RIGI: variants seen among roughly 807,000 people sequenced by gnomAD.
The protein encoded by RIGI is antiviral innate immune response receptor RIG-I.
At chr9:32,494,623 A>T in the RIGI span, among the ~76,000 whole-genome samples, 2 of 152,106 alleles carry the variant, frequency 1.3e-5, no homozygotes, top group African/African-American at 4.8e-5. Flanking sequence ...TATAAAAAAA[A>T]AATCCAGACC....
chr9:32,509,460 G>C, the RIGI span, among the ~76,000 whole-genome samples: 2 of 152,164 alleles, frequency 1.3e-5, no homozygotes, highest in African/African-American at 4.8e-5. Context: ...AGGCAAACAG[G>C]GTCTGGAGTG....
chr9:32,505,735 G>GTTCC, the RIGI span, among the ~76,000 whole-genome samples: 16 of 152,236 alleles, frequency 1.1e-4, no homozygotes, highest in Non-Finnish European at 4.4e-5. Flanking sequence ...TAATAAATAT[G>GTTCC]TACCTACATC....
At chr9:32,511,844 T>C in the RIGI span, among the ~76,000 whole-genome samples, 27 of 151,992 alleles carry the variant, frequency 1.8e-4, no homozygotes, top group Admixed American at 1.3e-3. Context: ...GCCAGTTTAA[T>C]AAAGAAGAAG....
the RIGI span, among the ~76,000 whole-genome samples, chr9:32,460,260 T>A: frequency 6.6e-6 from 1 of 152,228 alleles, no homozygotes; most frequent in Non-Finnish European, 1.5e-5. Flanking sequence ...CAATCTCGGT[T>A]ATGTCTTTGT....
At chr9:32,458,950 C>T in the RIGI span, among the ~76,000 whole-genome samples, 4 of 141,902 alleles carry the variant, frequency 2.8e-5, no homozygotes, top group Non-Finnish European at 6.0e-5. Context: ...AGCGCAGTGG[C>T]GCGATATCAG....
the RIGI span, chr9:32,480,440 T>C: frequency 3.8e-6 from 5 of 1,331,710 alleles, no homozygotes; most frequent in African/African-American, 1.5e-5. Flanking sequence ...ATTTAACGAA[T>C]TGTTTTAAGA....
At chr9:32,499,384 T>C in the RIGI span, among the ~76,000 whole-genome samples, 1 of 145,200 alleles carries the variant, frequency 6.9e-6, no homozygotes, top group Non-Finnish European at 1.5e-5. Flanking sequence ...GGAATACAAA[T>C]GTATTTATTT....
At chr9:32,492,610 A>T in the RIGI span, 3 of 1,544,926 alleles carry the variant, frequency 1.9e-6, no homozygotes, top group Admixed American at 5.1e-5. Flanking sequence ...TTACTGAAGA[A>T]ATGTCAGTCA....
chr9:32,498,117 C>T, the RIGI span, among the ~76,000 whole-genome samples: 2 of 152,172 alleles, frequency 1.3e-5, no homozygotes, highest in Admixed American at 1.3e-4. Context: ...AACACACCAA[C>T]CAACCAGCAC....
At chr9:32,473,036 A>G in the RIGI span, 1 of 1,611,306 alleles carries the variant, frequency 6.2e-7, no homozygotes, top group African/African-American at 1.3e-5. Flanking sequence ...AACTGAGTTT[A>G]GGATTTCCTT....
chr9:32,524,596 G>GTTTTTTTTTTTTTTCTTTTTTTTTTT, the RIGI span, among the ~76,000 whole-genome samples: 1 of 67,580 alleles, frequency 1.5e-5, no homozygotes, highest in Non-Finnish European at 2.8e-5. Context: ...TTGTTTTTCG[G>GTTTTTTTTTTTTTTCTTTTTTTTTTT]TTTTTTTTTT....
chr9:32,461,467 C>T, the RIGI span, among the ~76,000 whole-genome samples: 1 of 152,104 alleles, frequency 6.6e-6, no homozygotes, highest in Non-Finnish European at 1.5e-5. Flanking sequence ...TTCACGTGTC[C>T]CAGGTGGATC....
chr9:32,522,268 T>C, the RIGI span, among the ~76,000 whole-genome samples: 1 of 152,236 alleles, frequency 6.6e-6, no homozygotes, highest in Non-Finnish European at 1.5e-5. Context: ...TCATAACCTT[T>C]AAGAATACAG....
the RIGI span, among the ~76,000 whole-genome samples, chr9:32,495,432 A>T: frequency 1.3e-5 from 2 of 151,886 alleles, no homozygotes; most frequent in African/African-American, 2.4e-5. Flanking sequence ...TGAACTCCTG[A>T]CCTCACGATC....
chr9:32,484,977 G>T, the RIGI span, among the ~76,000 whole-genome samples: 1 of 152,088 alleles, frequency 6.6e-6, no homozygotes, highest in African/African-American at 2.4e-5. Flanking sequence ...AACTTACTTT[G>T]GATTTAAAAG....
At chr9:32,511,649 T>C in the RIGI span, among the ~76,000 whole-genome samples, 1 of 151,820 alleles carries the variant, frequency 6.6e-6, no homozygotes, top group African/African-American at 2.4e-5. Flanking sequence ...AAAATCAACA[T>C]CATAATATCA....
the RIGI span, chr9:32,487,468 T>TA: frequency 6.2e-7 from 1 of 1,613,788 alleles, no homozygotes; most frequent in African/African-American, 1.3e-5. Flanking sequence ...GGATCCAACT[T>TA]ACACTTCTGG....
the RIGI span, among the ~76,000 whole-genome samples, chr9:32,523,568 C>T: frequency 2.0e-5 from 3 of 152,262 alleles, no homozygotes; most frequent in African/African-American, 7.2e-5. Flanking sequence ...CACCACAACT[C>T]CCCAAGAGAC....
At chr9:32,495,645 T>G in the RIGI span, among the ~76,000 whole-genome samples, 1 of 150,944 alleles carries the variant, frequency 6.6e-6, no homozygotes, top group African/African-American at 2.4e-5. Flanking sequence ...TAAATGTCTA[T>G]TCAAGTCCTT....
Sources: allele counts gnomAD v4.1 joint callset (sites outside exome capture counted in the v4.1 genomes callset), GRCh38; gene constraint gnomAD v4.1.1; transcripts MANE v1.5; gene names NCBI Gene and HGNC (gene_info 2026-07-23, HGNC 2026-07-21).